The following PLD5 variants were observed in gnomAD, a reference collection of about 807,000 sequenced individuals.
The protein encoded by PLD5 is inactive phospholipase D5.
In PLD5, 36 loss-of-function variants were observed where a neutral mutation model predicts 61.1. That is an observed-to-expected ratio of 0.59 (90% confidence interval 0.45 to 0.78). The LOEUF (loss-of-function observed/expected upper bound fraction) is 0.78, where lower values mean the gene tolerates loss of function less well. Among genes scored for constraint, PLD5 ranks in the 30% least tolerant of loss-of-function variants. PLD5 has a pLI of 0.00. For missense variants in PLD5, 515 were observed against 644.4 expected, an observed-to-expected ratio of 0.80 and a Z score of 2.17; for synonymous variants, 243 against 242.8, an observed-to-expected ratio of 1.00 and a Z score of -0.01.
rs772623416 is a variant in PLD5, at chr1:242,265,383, A to T, written c.561T>A (p.Ser187Arg). The change falls in exon 4 of 10, where the codon AGT becomes AGA. Residue 187 changes from serine (S) to arginine (R), a missense_variant. By Grantham distance (110) the Ser-to-Arg change is moderately radical. Coordinates refer to ENST00000536534, the MANE Select transcript of PLD5 (RefSeq NM_001372062.1). ...TSQNIEIKLV[S>R]DVTADSKVLE... ...ATACCTTTGAATCAGCTGTTACATC[A>T]CTCACTAGCTTGATTTCAATATTTT... is the stretch of plus-strand genomic sequence containing the variant. The T allele has an allele frequency of 1.9e-6, 3 of 1,612,900 alleles. No homozygotes were observed. The highest frequency in any genetic ancestry group is 1.1e-5 in the South Asian group (1 of 90,690).
chr1:242,395,043 G>GAATATATGAA (rs879927435), intron 1 of PLD5, among the ~76,000 whole-genome samples: 5 of 67,462 alleles, frequency 7.4e-5, no homozygotes, highest in Non-Finnish European at 1.1e-4. Flanking sequence ...GAATGTATAT[G>GAATATATGAA]TATATATGAA....
chr1:242,490,858 C>G (rs576646672), intron 1 of PLD5, among the ~76,000 whole-genome samples: 9 of 134,994 alleles, frequency 6.7e-5, no homozygotes, highest in African/African-American at 2.3e-4. Flanking sequence ...TTTGGAGGAG[C>G]GCCTTAGGTT....
chr1:242,346,400 C>T (rs374410053), intron 2 of PLD5, among the ~76,000 whole-genome samples: 18 of 151,952 alleles, frequency 1.2e-4, no homozygotes, highest in Non-Finnish European at 2.2e-4. Context: ...TCTAGGTGTT[C>T]GAGTTTGCAT....
At chr1:242,348,037 A>G in intron 2 of PLD5, 69 bp downstream of exon 2, 4 of 1,562,738 alleles carry the variant, frequency 2.6e-6, no homozygotes, top group East Asian at 4.5e-5. Flanking sequence ...TCTCTTCTCC[A>G]TTGTTCAAGG....
At chr1:242,519,590 C>A (rs1044776337) in intron 1 of PLD5, among the ~76,000 whole-genome samples, 1 of 152,192 alleles carries the variant, frequency 6.6e-6, no homozygotes, top group African/African-American at 2.4e-5. Context: ...CTTAATTCCA[C>A]CAGCACAAGC....
At chr1:242,482,844 A>C (rs558581303) in intron 1 of PLD5, among the ~76,000 whole-genome samples, 1 of 152,382 alleles carries the variant, frequency 6.6e-6, no homozygotes, top group Admixed American at 6.5e-5. Context: ...AGCCCATCAC[A>C]CTAATAGCTG....
At chr1:242,186,509 A>AAAGTT (rs894845139) in intron 5 of PLD5, among the ~76,000 whole-genome samples, 2 of 151,934 alleles carry the variant, frequency 1.3e-5, no homozygotes, top group African/African-American at 4.8e-5. Context: ...TATTTTTTTT[A>AAAGTT]AAGTTTCTTT....
intron 4 of PLD5, among the ~76,000 whole-genome samples, chr1:242,222,184 G>T (rs539086302): frequency 6.7e-6 from 1 of 149,558 alleles, no homozygotes. Flanking sequence ...TGAAGGTCCC[G>T]CCCCCCACTA....
chr1:242,246,833 G>T (rs1487396646), intron 4 of PLD5, among the ~76,000 whole-genome samples: 3 of 152,130 alleles, frequency 2.0e-5, no homozygotes, highest in African/African-American at 7.2e-5. Context: ...GTCAGGTTAC[G>T]CTTTGGTTTT....
rs920235433 is a variant in PLD5, at chr1:242,085,674, GAAAGATA to G, written c.*4173_*4179del. ...CACCAGTTCATTGGGAACAAGTACA[GAAAGATA>G]AAAGAATGAAACATTTGTCCACAAT... On this transcript the variant is annotated 3_prime_UTR_variant, in exon 10 of 10. Transcript: ENST00000536534. The G allele has an allele frequency of 6.6e-6, 1 of 152,194 alleles. No individual in the cohort carries two copies. The highest frequency in any genetic ancestry group is 2.4e-5 in the African/African-American group (1 of 41,458). The allele number at this position is 152,194 out of a possible 1,614,324, so 9.4% of individuals were successfully genotyped here. A position where few individuals can be genotyped will look rare whatever the true frequency, so the allele number is the denominator to read the frequency against.
chr1:242,224,986 T>C (rs550441936), intron 4 of PLD5, among the ~76,000 whole-genome samples: 2 of 152,298 alleles, frequency 1.3e-5, no homozygotes, highest in East Asian at 3.9e-4. Flanking sequence ...ACCCCAGCCC[T>C]TGGCAACTAC....
intron 1 of PLD5, among the ~76,000 whole-genome samples, chr1:242,489,869 T>C (rs1294784540): frequency 2.0e-5 from 3 of 152,182 alleles, no homozygotes; most frequent in African/African-American, 7.2e-5. Flanking sequence ...GAAGAGCATG[T>C]GGAGGATGCA....
intron 6 of PLD5, among the ~76,000 whole-genome samples, chr1:242,118,784 C>T (rs1417205929): frequency 6.6e-6 from 1 of 152,174 alleles, no homozygotes; most frequent in Non-Finnish European, 1.5e-5. Context: ...CCCCTTGCAC[C>T]TGGGGGCTGA....
chr1:242,297,885 C>T (rs376045402), intron 2 of PLD5, among the ~76,000 whole-genome samples: 3 of 151,216 alleles, frequency 2.0e-5, no homozygotes, highest in South Asian at 4.2e-4. Context: ...ATGATCCACC[C>T]GCCTCGGCCT....
At chr1:242,530,454 T>C in the PLD5 span, among the ~76,000 whole-genome samples, 10 of 152,224 alleles carry the variant, frequency 6.6e-5, no homozygotes, top group Non-Finnish European at 2.9e-5. Context: ...ACTAAAAGCT[T>C]CTGGTAGGCA....
intron 1 of PLD5, among the ~76,000 whole-genome samples, chr1:242,490,084 AG>A (rs1668094872): frequency 6.6e-6 from 1 of 152,226 alleles, no homozygotes; most frequent in Non-Finnish European, 1.5e-5. Flanking sequence ...CACCATCTGA[AG>A]CTTCCTCTCC....
At chr1:242,449,259 G>T in intron 1 of PLD5, 1 of 1,464,068 alleles carries the variant, frequency 6.8e-7, no homozygotes, top group African/African-American at 1.4e-5. Flanking sequence ...TGACTGTTCA[G>T]TCTCATGCTA....
At chr1:242,405,468 T>C (rs1572081947) in intron 1 of PLD5, among the ~76,000 whole-genome samples, 1 of 152,286 alleles carries the variant, frequency 6.6e-6, no homozygotes, top group East Asian at 1.9e-4. Context: ...ATGTGAATAG[T>C]GTAGAAGCGG....
chr1:242,127,788 C>A (rs1298253280), intron 5 of PLD5, among the ~76,000 whole-genome samples: 1 of 152,100 alleles, frequency 6.6e-6, no homozygotes, highest in Admixed American at 6.6e-5. Context: ...CCACCAGTTG[C>A]TCAAAGACTT....
Sources: allele counts gnomAD v4.1 joint callset (sites outside exome capture counted in the v4.1 genomes callset), GRCh38; gene constraint gnomAD v4.1.1; transcripts MANE v1.5; gene names NCBI Gene and HGNC (gene_info 2026-07-23, HGNC 2026-07-21).